The following ZMAT4 variants were observed in gnomAD, a reference collection of about 807,000 sequenced individuals.
The protein encoded by ZMAT4 is zinc finger matrin-type 4.
In ZMAT4, 17 loss-of-function variants were observed where a neutral mutation model predicts 28.7. The ratio of observed to expected loss-of-function variants is 0.59; its 90% confidence interval spans 0.41 to 0.89. The LOEUF is 0.89. Ranked by LOEUF, ZMAT4 falls within the 40% of genes least tolerant of loss-of-function variation. The pLI is 0.00. For missense variants in ZMAT4, 240 were observed against 283.8 expected, an observed-to-expected ratio of 0.85 and a Z score of 1.11; for synonymous variants, 117 against 109.2, an observed-to-expected ratio of 1.07 and a Z score of -0.44.
chr8:40,851,242 C>T (rs1817094815), intron 1 of ZMAT4, among the ~76,000 whole-genome samples: 1 of 152,140 alleles, frequency 6.6e-6, no homozygotes, highest in Non-Finnish European at 1.5e-5. Context: ...GCTGGAGAAT[C>T]GCTTGAACCC....
At chr8:40,861,578 T>A (rs189971377) in intron 1 of ZMAT4, among the ~76,000 whole-genome samples, 22 of 152,282 alleles carry the variant, frequency 1.4e-4, no homozygotes, top group Admixed American at 9.2e-4. Context: ...ACAAATGGCA[T>A]CCAATTAAAG....
At chr8:40,852,363 T>G (rs1255515257) in intron 1 of ZMAT4, among the ~76,000 whole-genome samples, 1 of 152,158 alleles carries the variant, frequency 6.6e-6, no homozygotes, top group African/African-American at 2.4e-5. Flanking sequence ...TTTAGAAAAA[T>G]TATGAGAAGA....
intron 1 of ZMAT4, among the ~76,000 whole-genome samples, chr8:40,850,398 G>A (rs1038942619): frequency 1.3e-5 from 2 of 152,072 alleles, no homozygotes; most frequent in Non-Finnish European, 2.9e-5. Context: ...CCATCTGCAC[G>A]GCCCAGGACT....
chr8:40,815,501 T>C (rs1276906765), intron 2 of ZMAT4, among the ~76,000 whole-genome samples: 2 of 152,078 alleles, frequency 1.3e-5, no homozygotes, highest in Non-Finnish European at 2.9e-5. Context: ...CTCTCAAACA[T>C]CCATCTAAAT....
intron 2 of ZMAT4, among the ~76,000 whole-genome samples, chr8:40,785,861 T>C (rs57816263): frequency 0.13 from 20,001 of 152,158 alleles, 1,905 homozygotes; most frequent in East Asian, 0.37. Context: ...CAAATAAGCC[T>C]GGCCCACTTT....
chr8:40,784,043 C>A (rs1220184139), intron 2 of ZMAT4, among the ~76,000 whole-genome samples: 1 of 152,018 alleles, frequency 6.6e-6, no homozygotes, highest in Non-Finnish European at 1.5e-5. Flanking sequence ...TGATCACCAA[C>A]CACTTCCTCT....
At chr8:40,836,849 G>A (rs1277461979) in intron 1 of ZMAT4, among the ~76,000 whole-genome samples, 4 of 152,114 alleles carry the variant, frequency 2.6e-5, no homozygotes, top group African/African-American at 9.7e-5. Context: ...GATGTTGTAC[G>A]GGTGCTCATT....
chr8:40,665,635 C>T (rs959657993), intron 5 of ZMAT4, among the ~76,000 whole-genome samples: 2 of 152,156 alleles, frequency 1.3e-5, no homozygotes, highest in African/African-American at 2.4e-5. Flanking sequence ...GTTGGCTGTG[C>T]TTATTCTATA....
At chr8:40,588,798 A>C (rs1362410641) in intron 5 of ZMAT4, among the ~76,000 whole-genome samples, 1 of 152,142 alleles carries the variant, frequency 6.6e-6, no homozygotes, top group African/African-American at 2.4e-5. Context: ...TTTACCTAAA[A>C]GGAGCAAATA....
chr8:40,716,964 T>C (rs1190310896), intron 3 of ZMAT4, among the ~76,000 whole-genome samples: 2 of 152,210 alleles, frequency 1.3e-5, no homozygotes, highest in East Asian at 1.9e-4. Flanking sequence ...ATACCTATCA[T>C]TGTGAAACTG....
chr8:40,649,133 T>C (rs1319577299), intron 5 of ZMAT4, among the ~76,000 whole-genome samples: 2 of 102,046 alleles, frequency 2.0e-5, no homozygotes, highest in Non-Finnish European at 4.8e-5. Context: ...GACTGGCAAA[T>C]TGGATAAAGA....
At chr8:40,684,491 C>T (rs1182568425) in intron 4 of ZMAT4, among the ~76,000 whole-genome samples, 3 of 152,176 alleles carry the variant, frequency 2.0e-5, no homozygotes, top group Non-Finnish European at 4.4e-5. Context: ...CCTATAGGAG[C>T]TACAGGACTG....
chr8:40,892,689 C>T (rs762820910), intron 1 of ZMAT4, among the ~76,000 whole-genome samples: 4 of 152,210 alleles, frequency 2.6e-5, no homozygotes, highest in Admixed American at 6.5e-5. Flanking sequence ...TGTGTGACAA[C>T]GCCAAGGCCT....
At chr8:40,629,067 T>C (rs1207054334) in intron 5 of ZMAT4, among the ~76,000 whole-genome samples, 1 of 151,704 alleles carries the variant, frequency 6.6e-6, no homozygotes, top group African/African-American at 2.4e-5. Flanking sequence ...TATTTTCTTT[T>C]TGGGACTCCT....
intron 1 of ZMAT4, among the ~76,000 whole-genome samples, chr8:40,836,731 G>A (rs1034495493): frequency 6.6e-6 from 1 of 152,198 alleles, no homozygotes; most frequent in African/African-American, 2.4e-5. Flanking sequence ...AGAGAAATGA[G>A]GACAAGATTC....
chr8:40,590,813 C>T (rs1804869252), intron 5 of ZMAT4, among the ~76,000 whole-genome samples: 1 of 152,038 alleles, frequency 6.6e-6, no homozygotes. Flanking sequence ...CACATTTCTG[C>T]TAAGCCACAT....
intron 5 of ZMAT4, among the ~76,000 whole-genome samples, chr8:40,589,810 TTTC>T (rs1804812884): frequency 7.3e-6 from 1 of 137,426 alleles, no homozygotes; most frequent in African/African-American, 2.5e-5. Flanking sequence ...TTGTCTTTCC[TTTC>T]TTTTTTATTT....
At chr8:40,601,603 AAAG>A (rs1805349287) in intron 5 of ZMAT4, among the ~76,000 whole-genome samples, 1 of 7,974 alleles carries the variant, frequency 1.3e-4, no homozygotes, top group Non-Finnish European at 3.2e-4. Context: ...AGAAAGAAAG[AAAG>A]AAAGAAAGAA....
chr8:40,882,955 GTTA>G (rs1554498222), intron 1 of ZMAT4, among the ~76,000 whole-genome samples: 2 of 152,060 alleles, frequency 1.3e-5, no homozygotes, highest in Non-Finnish European at 2.9e-5. Context: ...CCTTATTGCC[GTTA>G]TCACTCTGGC....
Sources: allele counts gnomAD v4.1 joint callset (sites outside exome capture counted in the v4.1 genomes callset), GRCh38; gene constraint gnomAD v4.1.1; transcripts MANE v1.5; gene names NCBI Gene and HGNC (gene_info 2026-07-23, HGNC 2026-07-21).